The following ARHGEF28 variants were observed in gnomAD, a reference collection of about 807,000 sequenced individuals.
ARHGEF28 encodes 190 kDa guanine nucleotide exchange factor.
A neutral mutation model predicts 206.6 loss-of-function variants in ARHGEF28; 152 were observed. The ratio of observed to expected loss-of-function variants is 0.74; its 90% CI spans 0.64 to 0.84. ARHGEF28 has a LOEUF of 0.84. Among genes scored for constraint, ARHGEF28 ranks in the 40% least tolerant of loss-of-function variants. The probability of loss-of-function intolerance (pLI) is 0.00; values close to 1 mark genes in which losing one functional copy is unlikely to be tolerated. For synonymous variants in ARHGEF28, 763 were observed against 776.4 expected (o/e 0.98, Z 0.29); for missense variants, 2,028 against 2,073.2 (o/e 0.98, Z 0.42).
At chr5:73,736,199 ACTT>A (rs1750920338) in intron 2 of ARHGEF28, among the ~76,000 whole-genome samples, 1 of 152,208 alleles carries the variant, frequency 6.6e-6, no homozygotes, top group African/African-American at 2.4e-5. Flanking sequence ...CTCATGTGTA[ACTT>A]CTTAAGACTT....
chr5:73,860,144 G>A (rs556596020), intron 16 of ARHGEF28, among the ~76,000 whole-genome samples: 21 of 152,052 alleles, frequency 1.4e-4, no homozygotes, highest in African/African-American at 4.8e-4. Flanking sequence ...CCTAATACTG[G>A]GTACGCGCAG....
chr5:73,890,394 T>C (rs1488153316), intron 26 of ARHGEF28, among the ~76,000 whole-genome samples: 4 of 152,198 alleles, frequency 2.6e-5, no homozygotes, highest in Non-Finnish European at 5.9e-5. Flanking sequence ...TAAAGTACAT[T>C]GCACATTGCA....
At chr5:73,748,655 C>T (rs1751867293) in intron 2 of ARHGEF28, among the ~76,000 whole-genome samples, 1 of 152,032 alleles carries the variant, frequency 6.6e-6, no homozygotes, top group African/African-American at 2.4e-5. Flanking sequence ...TCTTGGCGAG[C>T]AGGTTTGTTT....
At chr5:73,878,164 T>A (rs976950060) in intron 22 of ARHGEF28, among the ~76,000 whole-genome samples, 2 of 151,716 alleles carry the variant, frequency 1.3e-5, no homozygotes, top group African/African-American at 4.9e-5. Context: ...AATTGATCCC[T>A]TTACCATTAT....
At chr5:73,784,967 C>A (rs1404157024) in intron 7 of ARHGEF28, among the ~76,000 whole-genome samples, 1 of 152,092 alleles carries the variant, frequency 6.6e-6, no homozygotes, top group African/African-American at 2.4e-5. Flanking sequence ...GGGCAGGTAG[C>A]ATAGGCAGCA....
intron 26 of ARHGEF28, among the ~76,000 whole-genome samples, chr5:73,889,891 T>C (rs1761523457): frequency 6.6e-6 from 1 of 152,246 alleles, no homozygotes; most frequent in African/African-American, 2.4e-5. Flanking sequence ...CCAGGATTGC[T>C]CATCTTCTGC....
intron 4 of ARHGEF28, among the ~76,000 whole-genome samples, chr5:73,761,997 A>ATTT (rs36121449): frequency 5.1e-5 from 7 of 137,988 alleles, no homozygotes; most frequent in African/African-American, 1.6e-4. Context: ...CAACTGGGTA[A>ATTT]TTTTTTTTTT....
At position 73,864,902 on chromosome 5, in the gene ARHGEF28, T is replaced by G. The variant is rs1194275916; in HGVS notation, c.2103+30T>G. On this transcript the variant is annotated intron_variant, in intron 17 of 35. Coordinates refer to ENST00000513042, the MANE Select transcript of ARHGEF28 (RefSeq NM_001177693.2). The stretch of plus-strand genomic sequence containing the variant: ...TTGCTCAGTGATCTGTGAATATATA[T>G]GTGGCATGGTTGCTTCATAGTATCT... 4 of 1,600,586 alleles carry G rather than the reference T, an allele frequency of 2.5e-6. No individual in the cohort carries two copies. The African/African-American group carries it at 4.0e-5, about 16-fold the overall frequency.
chr5:73,835,489 A>T (rs1480826590), intron 10 of ARHGEF28, among the ~76,000 whole-genome samples: 2 of 149,820 alleles, frequency 1.3e-5, no homozygotes, highest in African/African-American at 4.9e-5. Flanking sequence ...AAAAAACCCA[A>T]AAGGACTGGG....
intron 29 of ARHGEF28, among the ~76,000 whole-genome samples, chr5:73,895,662 T>C (rs2112694135): frequency 6.6e-6 from 1 of 152,300 alleles, no homozygotes; most frequent in East Asian, 1.9e-4. Context: ...ACTACACACA[T>C]CCCACAACCT....
At position 73,776,569 on chromosome 5, in the gene ARHGEF28, C is replaced by A. The variant is rs1408381175; in HGVS notation, c.713C>A (p.Ala238Asp). ...SFSRVQLSEE[A>D]SLHYIHSSET... is the part of the protein sequence containing the mutation. ...TCCCGAGTGCAGCTCAGTGAAGAAGCCTCCTTGCATTACATTCACTCATCG... is the reference window on the plus strand; with the variant it reads ...TCCCGAGTGCAGCTCAGTGAAGAAGACTCCTTGCATTACATTCACTCATCG... Residue 238 changes from alanine (A) to aspartate (D), a missense_variant, in exon 6 of 36, where the codon GCC (alanine) becomes GAC (aspartate). Transcript: ENST00000513042. 15 of 1,613,774 alleles carry A rather than the reference C, an allele frequency of 9.3e-6. No individual in the cohort carries two copies. The highest frequency in any genetic ancestry group is 2.7e-5 in the African/African-American group (2 of 74,920).
intron 3 of ARHGEF28, among the ~76,000 whole-genome samples, chr5:73,752,476 A>T (rs1343598632): frequency 6.6e-6 from 1 of 152,142 alleles, no homozygotes; most frequent in South Asian, 2.1e-4. Flanking sequence ...AAACTTGTGT[A>T]ATTGTATGGT....
rs187728296 is a variant in ARHGEF28, at chr5:73,764,702, G to A, written c.476-9153G>A. ...CCTTTTGGGCTTATGATCCAGCCAT[G>A]CCAACCATGTTGGTCTTGCGCTCTG... is the stretch of plus-strand genomic sequence containing the variant. On this transcript the variant is annotated intron_variant, in intron 4 of 35. Transcript: ENST00000513042. 2.3e-3 allele frequency among the ~76,000 whole-genome samples: 347 copies of A among 152,328 alleles called. 3 individuals carry two copies. The highest frequency in any genetic ancestry group is 1.7e-3 in the Non-Finnish European group (115 of 68,028).
rs1049170554 is a variant in ARHGEF28 at position 73,886,085 on chromosome 5, T to G, written c.3291T>G (p.Thr1097=). The G allele has an allele frequency of 1.9e-6, 3 of 1,612,842 alleles. No individual in the cohort carries two copies. The highest frequency in any genetic ancestry group is 2.2e-5 in the East Asian group (1 of 44,860). Residue 1097 remains threonine, a synonymous_variant, in exon 25 of 36, where the codon ACT becomes ACG. Transcript: ENST00000513042. The stretch of plus-strand genomic sequence containing the variant: ...ATGATGGCCTTGTTTACTGGAAAAC[T>G]GCTACAGGTCGTTTCAAAGGTACTG... The part of the protein sequence containing the change: ...LLYDGLVYWK[T]ATGRFKDILA...
At chr5:73,901,391 G>C in intron 31 of ARHGEF28, 107 bp downstream of exon 31, 1 of 826,284 alleles carries the variant, frequency 1.2e-6, no homozygotes, top group Non-Finnish European at 1.9e-6. Flanking sequence ...GTGCTTTTCT[G>C]AATTGTTCTC....
intron 2 of ARHGEF28, among the ~76,000 whole-genome samples, chr5:73,709,144 C>A (rs968592195): frequency 6.6e-5 from 10 of 152,184 alleles, no homozygotes; most frequent in Non-Finnish European, 1.3e-4. Context: ...CAGTTAGATT[C>A]ATTGCTACAG....
At chr5:73,666,834 G>T (rs1246396538) in intron 1 of ARHGEF28, among the ~76,000 whole-genome samples, 3 of 152,152 alleles carry the variant, frequency 2.0e-5, no homozygotes, top group Non-Finnish European at 4.4e-5. Context: ...TACAGGAGAA[G>T]TTATGAATAT....
At chr5:73,638,385 A>T (rs947345508) in intron 1 of ARHGEF28, among the ~76,000 whole-genome samples, 2 of 152,224 alleles carry the variant, frequency 1.3e-5, no homozygotes, top group Non-Finnish European at 2.9e-5. Context: ...GAGAATTGAA[A>T]CAATTTTATA....
At chr5:73,646,071 C>G (rs947770194) in intron 1 of ARHGEF28, among the ~76,000 whole-genome samples, 1 of 152,160 alleles carries the variant, frequency 6.6e-6, no homozygotes, top group South Asian at 2.1e-4. Flanking sequence ...CCTGCTGCAC[C>G]AGAAATGGCT....
Sources: allele counts gnomAD v4.1 joint callset (sites outside exome capture counted in the v4.1 genomes callset), GRCh38; gene constraint gnomAD v4.1.1; transcripts MANE v1.5; gene names NCBI Gene and HGNC (gene_info 2026-07-23, HGNC 2026-07-21).